Variants in TMCC1 observed in about 807,000 individuals in gnomAD.
The protein encoded by TMCC1 is transmembrane and coiled-coil domains protein 1.
Under a neutral mutation model 52.4 loss-of-function variants are expected in TMCC1, and 15 were observed. That is an observed-to-expected ratio of 0.29 (90% CI 0.19 to 0.44). TMCC1 has a LOEUF of 0.44. Among genes scored for constraint, TMCC1 ranks in the 20% least tolerant of loss-of-function variants. The pLI is 1.00. For missense variants in TMCC1, 503 were observed against 806.0 expected, an observed-to-expected ratio of 0.62 and a Z score of 4.55; for synonymous variants, 279 against 301.9, an observed-to-expected ratio of 0.92 and a Z score of 0.79.
chr3:129,759,550 G>A (rs1392845415), intron 4 of TMCC1, among the ~76,000 whole-genome samples: 2 of 149,778 alleles, frequency 1.3e-5, no homozygotes, highest in Admixed American at 6.7e-5. Flanking sequence ...TTATAGGCAT[G>A]AGCCACCATG....
At chr3:129,741,531 T>G (rs940292059) in intron 4 of TMCC1, among the ~76,000 whole-genome samples, 22 of 152,172 alleles carry the variant, frequency 1.4e-4, no homozygotes, top group Non-Finnish European at 2.6e-4. Flanking sequence ...ACTAAGGACT[T>G]CTGACTCTTC....
chr3:129,711,667 A>G (rs1172475050), intron 4 of TMCC1, among the ~76,000 whole-genome samples: 1 of 151,826 alleles, frequency 6.6e-6, no homozygotes, highest in Non-Finnish European at 1.5e-5. Context: ...CAACATGATG[A>G]AACCCTAACT....
chr3:129,856,386 T>C (rs2060147204), intron 2 of TMCC1, among the ~76,000 whole-genome samples: 1 of 152,172 alleles, frequency 6.6e-6, no homozygotes, highest in Admixed American at 6.5e-5. Context: ...CCTTAACCTA[T>C]GAAGTCTATG....
intron 4 of TMCC1, among the ~76,000 whole-genome samples, chr3:129,772,045 G>C (rs1366104125): frequency 6.6e-6 from 1 of 152,116 alleles, no homozygotes; most frequent in Non-Finnish European, 1.5e-5. Context: ...TAATGCAAAA[G>C]ATATTTGCAA....
chr3:129,659,094 C>CTTTTTTTTTTTTTTTT (rs902362203), intron 5 of TMCC1, among the ~76,000 whole-genome samples: 1 of 130,012 alleles, frequency 7.7e-6, no homozygotes, highest in South Asian at 2.5e-4. Context: ...TTCTTTCTTT[C>CTTTTTTTTTTTTTTTT]TTTTTTTTTT....
intron 4 of TMCC1, among the ~76,000 whole-genome samples, chr3:129,745,972 G>T (rs1282520418): frequency 2.6e-5 from 4 of 151,030 alleles, no homozygotes; most frequent in African/African-American, 9.7e-5. Flanking sequence ...GCCCACGCTG[G>T]TCTCAAACAC....
At chr3:129,809,852 C>T (rs1036249251) in intron 4 of TMCC1, among the ~76,000 whole-genome samples, 1 of 152,138 alleles carries the variant, frequency 6.6e-6, no homozygotes, top group African/African-American at 2.4e-5. Flanking sequence ...TAAAACAGTA[C>T]ATTTAATCTT....
intron 4 of TMCC1, among the ~76,000 whole-genome samples, chr3:129,800,416 T>C (rs999239989): frequency 6.6e-6 from 1 of 152,192 alleles, no homozygotes; most frequent in Non-Finnish European, 1.5e-5. Context: ...GTTTTCCCTG[T>C]GGTTGTACTA....
intron 4 of TMCC1, among the ~76,000 whole-genome samples, chr3:129,753,011 C>A (rs1358448397): frequency 1.3e-5 from 2 of 152,240 alleles, no homozygotes; most frequent in East Asian, 3.9e-4. Flanking sequence ...CTCATGAGAA[C>A]TCTATTATGA....
At position 129,757,845 on chromosome 3, in the gene TMCC1, A is replaced by T. The variant is rs544177796; in HGVS notation, c.576+69958T>A. On this transcript the variant is annotated intron_variant, in intron 4 of 6. Coordinates refer to ENST00000393238, the MANE Select transcript of TMCC1 (RefSeq NM_001017395.5). ...ATTCCATCTTAAAAATAAATAAATT[A>T]AAAAAAAAAGAAATCATAACACTCA... Among the ~76,000 whole-genome samples the T allele has an allele frequency of 1.9e-4, 29 of 149,354 alleles. No homozygotes were observed. In the South Asian group the frequency reaches 4.4e-3, roughly 23 times the overall value.
intron 4 of TMCC1, among the ~76,000 whole-genome samples, chr3:129,682,818 C>T (rs2089108294): frequency 6.6e-6 from 1 of 152,038 alleles, no homozygotes; most frequent in Non-Finnish European, 1.5e-5. Context: ...CTGATCTTTT[C>T]CCCTTCTTGC....
intron 2 of TMCC1, among the ~76,000 whole-genome samples, chr3:129,856,371 T>C (rs1021745421): frequency 6.6e-6 from 1 of 152,174 alleles, no homozygotes; most frequent in Non-Finnish European, 1.5e-5. Flanking sequence ...TTCTGGGGAC[T>C]GTGACCTTAA....
At chr3:129,755,832 G>A (rs1288641232) in intron 4 of TMCC1, among the ~76,000 whole-genome samples, 4 of 152,218 alleles carry the variant, frequency 2.6e-5, no homozygotes, top group Admixed American at 6.5e-5. Context: ...GGCTGGGGCG[G>A]TGGCTCACGC....
intron 2 of TMCC1, among the ~76,000 whole-genome samples, chr3:129,846,141 C>T (rs1027375752): frequency 2.6e-5 from 4 of 152,076 alleles, no homozygotes; most frequent in Non-Finnish European, 5.9e-5. Context: ...ATTTGGCAGC[C>T]AAAAGGCGTT....
intron 4 of TMCC1, among the ~76,000 whole-genome samples, chr3:129,718,259 C>A (rs961925727): frequency 6.6e-5 from 10 of 152,272 alleles, no homozygotes; most frequent in African/African-American, 2.4e-4. Flanking sequence ...AGTATTAAAT[C>A]GTAACTGCAT....
intron 4 of TMCC1, among the ~76,000 whole-genome samples, chr3:129,822,244 T>G (rs1292872038): frequency 6.6e-6 from 1 of 152,180 alleles, no homozygotes; most frequent in African/African-American, 2.4e-5. Context: ...TATCTACTGT[T>G]ACCCGTCTGA....
intron 4 of TMCC1, among the ~76,000 whole-genome samples, chr3:129,790,119 T>C (rs2107746586): frequency 6.6e-6 from 1 of 152,294 alleles, no homozygotes; most frequent in South Asian, 2.1e-4. Context: ...TCATCACTGA[T>C]TTACTGTTAT....
chr3:129,873,269 T>C (rs1004215107), intron 2 of TMCC1, among the ~76,000 whole-genome samples: 1 of 151,614 alleles, frequency 6.6e-6, no homozygotes, highest in Non-Finnish European at 1.5e-5. Context: ...GACTTGTTAG[T>C]GGTCTCAAGA....
chr3:129,879,274 T>C (rs187563703), intron 2 of TMCC1, among the ~76,000 whole-genome samples: 3 of 151,920 alleles, frequency 2.0e-5, no homozygotes, highest in Non-Finnish European at 4.4e-5. Flanking sequence ...GACCCTCATC[T>C]CTACAAAAAA....
Sources: gnomAD v4.1 joint callset for allele counts (sites outside exome capture counted in the v4.1 genomes callset) on GRCh38, gnomAD v4.1.1 for gene constraint, MANE v1.5 for transcripts, NCBI Gene and HGNC (gene_info 2026-07-23, HGNC 2026-07-21) for gene names.